The following VEZT variants were observed in gnomAD, a reference collection of about 807,000 sequenced individuals.
The protein encoded by VEZT is vezatin.
A neutral mutation model predicts 79.9 loss-of-function variants in VEZT; 39 were observed. The observed-to-expected ratio is 0.49, with a 90% CI of 0.38 to 0.64. The LOEUF (loss-of-function observed/expected upper bound fraction) is 0.64, where lower values mean the gene tolerates loss of function less well. Ranked by LOEUF, VEZT falls within the 30% of genes least tolerant of loss-of-function variation. The pLI, the probability that VEZT is intolerant of heterozygous loss-of-function variation, is 0.00. For missense variants in VEZT, 837 were observed against 893.1 expected, an observed-to-expected ratio of 0.94 and a Z score of 0.80; for synonymous variants, 325 against 327.6, an observed-to-expected ratio of 0.99 and a Z score of 0.09.
At chr12:95,280,720 T>G (rs1469931339) in intron 7 of VEZT, among the ~76,000 whole-genome samples, 4 of 152,302 alleles carry the variant, frequency 2.6e-5, no homozygotes, top group Non-Finnish European at 5.9e-5. Flanking sequence ...GGACTCTTCA[T>G]TTTTGCTCAC....
At chr12:95,230,045 C>T (rs2059022201) in intron 1 of VEZT, among the ~76,000 whole-genome samples, 1 of 144,736 alleles carries the variant, frequency 6.9e-6, no homozygotes. Context: ...ATGGAGGTTG[C>T]AGCGAGCTGA....
intron 11 of VEZT, among the ~76,000 whole-genome samples, chr12:95,297,202 G>C (rs1289681604): frequency 6.6e-6 from 1 of 152,174 alleles, no homozygotes; most frequent in African/African-American, 2.4e-5. Context: ...GGAATCAGGG[G>C]AAGCTTAATA....
intron 6 of VEZT, among the ~76,000 whole-genome samples, chr12:95,270,892 C>T (rs2066456822): frequency 6.6e-6 from 1 of 152,134 alleles, no homozygotes; most frequent in Non-Finnish European, 1.5e-5. Flanking sequence ...TTAGTAAAGA[C>T]ATATAGATAA....
At position 95,282,344 on chromosome 12, in the gene VEZT, C is replaced by A; in HGVS notation, c.1028C>A (p.Ser343Ter). 1.9e-6 allele frequency: 3 copies of A among 1,613,518 alleles called. No homozygotes were observed. Among genetic ancestry groups the A allele is most frequent in the African/African-American group, 1.3e-5 (1 of 74,968 alleles). ...VLFQLWVAQS[S>*]EFFRRLALLL... ...TTCCAACTCTGGGTGGCACAGAGTTCAGAGTTCTTCAGACGGTTAGCCCTA... is the reference window on the plus strand; with the variant it reads ...TTCCAACTCTGGGTGGCACAGAGTTAAGAGTTCTTCAGACGGTTAGCCCTA... Residue 343 changes from serine to a stop codon, truncating the protein, a stop_gained, in exon 8 of 12, where the codon TCA becomes TAA. Transcript: ENST00000436874. LOFTEE classifies it high-confidence loss of function.
intron 9 of VEZT, among the ~76,000 whole-genome samples, chr12:95,289,890 CTGTA>C (rs1169861274): frequency 6.6e-6 from 1 of 152,142 alleles, no homozygotes; most frequent in Non-Finnish European, 1.5e-5. Flanking sequence ...ATGTATGTAT[CTGTA>C]TGTGTGTGTA....
intron 1 of VEZT, among the ~76,000 whole-genome samples, chr12:95,220,300 CA>C (rs2057371792): frequency 6.6e-6 from 1 of 151,986 alleles, no homozygotes; most frequent in African/African-American, 2.4e-5. Context: ...ACAAAAAAGA[CA>C]AAAATTATTT....
In VEZT at chr12:95,263,063, T is replaced by G; in HGVS notation, c.416T>G (p.Leu139Arg). 2 of 1,609,140 alleles carry G rather than the reference T, an allele frequency of 1.2e-6. No homozygotes were observed. The highest frequency in any genetic ancestry group is 2.2e-5 in the South Asian group (2 of 90,690). ...GGACACCTTCCAACACTTTGCTCCC[T>G]GGCAACCCCTAATATTTGGTACTGT... The part of the protein sequence containing the change: ...ENGHLPTLCS[L>R]ATPNIWDLSM... Residue 139 changes from leucine (L) to arginine (R), a missense_variant, in exon 4 of 12, where the codon CTG (leucine) becomes CGG (arginine). Leu to Arg is a moderately radical substitution (Grantham distance 102). Transcript: ENST00000436874.
At chr12:95,248,055 G>C (rs928921536) in intron 1 of VEZT, among the ~76,000 whole-genome samples, 1 of 152,166 alleles carries the variant, frequency 6.6e-6, no homozygotes, top group African/African-American at 2.4e-5. Context: ...TGATCACCTT[G>C]GTAAGCCAGA....
chr12:95,292,354 T>C (rs1291727072), intron 9 of VEZT, among the ~76,000 whole-genome samples: 1 of 152,192 alleles, frequency 6.6e-6, no homozygotes, highest in African/African-American at 2.4e-5. Context: ...ATGGATTTAT[T>C]TGGTTTTTTT....
rs1707652519 is a variant in VEZT at position 95,251,982 on chromosome 12, G to A, written c.79G>A (p.Asp27Asn). 1 of 1,612,554 alleles carries A rather than the reference G, an allele frequency of 6.2e-7. No individual in the cohort carries two copies. Residue 27 changes from aspartate (D) to asparagine (N), a missense_variant, in exon 2 of 12, where the codon GAC becomes AAC. Transcript: ENST00000436874. The part of the protein sequence containing the change: ...YQYLQDLGHT[D>N]FEICSSLSPK... Reference sequence around the variant, plus strand: ...ATACTTACAGGATCTGGGACACACAGACTTTGAAATATGTTCTTCTTTGTC... The same window carrying A: ...ATACTTACAGGATCTGGGACACACAAACTTTGAAATATGTTCTTCTTTGTC...
At chr12:95,224,318 C>CT (rs62851660) in intron 1 of VEZT, 12,272 of 402,402 alleles carry the variant, frequency 0.03, no homozygotes, top group South Asian at 0.042. Flanking sequence ...AAAGCCACAA[C>CT]TTTTTTTTTT....
In VEZT at chr12:95,270,074, A is replaced by G; in HGVS notation, c.734A>G (p.Asn245Ser). The change falls in exon 6 of 12, where the codon AAT becomes AGT. Residue 245 changes from asparagine to serine, a missense_variant. Asn to Ser is a conservative substitution (Grantham distance 46, BLOSUM62 1). Transcript: ENST00000436874. ...AGGGTCAGTGCTGCTTGCCCATTTA[A>G]TAAAGCTGGACAGCATCCAAGTCAG... ...FTLVSAACPF[N>S]KAGQHPSQHL... The G allele has an allele frequency of 1.2e-6, 2 of 1,611,472 alleles. No homozygotes were observed. Among genetic ancestry groups the G allele is most frequent in the Non-Finnish European group, 1.7e-6 (2 of 1,178,830 alleles).
At chr12:95,277,463 TA>T (rs576849435) in intron 7 of VEZT, among the ~76,000 whole-genome samples, 19 of 148,394 alleles carry the variant, frequency 1.3e-4, no homozygotes, top group African/African-American at 2.0e-4. Context: ...CAACCCTGTT[TA>T]AAAAAAAAAA....
At chr12:95,272,471 G>T (rs1168546794) in intron 6 of VEZT, among the ~76,000 whole-genome samples, 2 of 152,208 alleles carry the variant, frequency 1.3e-5, no homozygotes, top group African/African-American at 4.8e-5. Context: ...AGCACAGTAA[G>T]TTGGAGGTTA....
chr12:95,243,450 A>T (rs2137435059), intron 1 of VEZT, among the ~76,000 whole-genome samples: 1 of 151,412 alleles, frequency 6.6e-6, no homozygotes, highest in East Asian at 1.9e-4. Context: ...AAACTGTCTC[A>T]TCTATTCCTC....
Position 95,266,393 on chromosome 12 carries a change from C to T in VEZT, c.471C>T (p.Leu157=), listed in dbSNP as rs554340734. 29 of 1,613,800 alleles carry T rather than the reference C, an allele frequency of 1.8e-5. No homozygotes were observed. The highest frequency in any genetic ancestry group is 7.7e-5 in the South Asian group (7 of 91,048). ...TGCTATTTGCCTTCATTAGCTTGCTCGTTATGCTTCCCACTTGGTGGATTG... is the reference window on the plus strand; with the variant it reads ...TGCTATTTGCCTTCATTAGCTTGCTTGTTATGCTTCCCACTTGGTGGATTG... ...LSMLFAFISL[L]VMLPTWWIVS... Residue 157 remains leucine, a synonymous_variant, in exon 5 of 12, where the codon CTC becomes CTT. Transcript: ENST00000436874.
At position 95,300,526 on chromosome 12, in the gene VEZT, G is replaced by A. The variant is rs61735397; in HGVS notation, c.2193G>A (p.Leu731=). The A allele has an allele frequency of 1.2e-6, 2 of 1,613,926 alleles. No individual in the cohort carries two copies. The highest frequency in any genetic ancestry group is 8.5e-7 in the Non-Finnish European group (1 of 1,179,882). ...AGCAGAGGCTGGCACGGCTACAGCT[G>A]TCACCAGATTTTACCTTCACTGCTG... The part of the protein sequence containing the change: ...SIKQRLARLQ[L]SPDFTFTAGL... Residue 731 remains leucine (L), a synonymous_variant, in exon 12 of 12, where the codon CTG becomes CTA. Transcript: ENST00000436874.
Position 95,263,053 on chromosome 12 carries a change from C to T in VEZT, c.406C>T (p.Leu136Phe). The T allele has an allele frequency of 6.2e-7, 1 of 1,610,606 alleles. No individual in the cohort carries two copies. Among genetic ancestry groups the T allele is most frequent in the Non-Finnish European group, 8.5e-7 (1 of 1,177,406 alleles). ...ACAGGAAAATGGACACCTTCCAACACTTTGCTCCCTGGCAACCCCTAATAT... is the reference window on the plus strand; with the variant it reads ...ACAGGAAAATGGACACCTTCCAACATTTTGCTCCCTGGCAACCCCTAATAT... The part of the protein sequence containing the change: ...QQQENGHLPT[L>F]CSLATPNIWD... The change falls in exon 4 of 12, where the codon CTT becomes TTT. Residue 136 changes from leucine to phenylalanine, a missense_variant. By Grantham distance (22) the Leu-to-Phe change is conservative. Coordinates refer to ENST00000436874, the MANE Select transcript of VEZT (RefSeq NM_017599.4).
chr12:95,296,095 C>T lies in VEZT; in HGVS notation c.1668C>T (p.Phe556=), dbSNP rs368383140. ...YVDDIDIDSD[F]RKDDFYYLSQ... is the part of the protein sequence containing the mutation. ...ATGATATAGATATTGATAGTGATTTCAGAAAGGATGATTTTTATTACTTGT... is the reference window on the plus strand; with the variant it reads ...ATGATATAGATATTGATAGTGATTTTAGAAAGGATGATTTTTATTACTTGT... The change falls in exon 11 of 12, where the codon TTC becomes TTT. Residue 556 remains phenylalanine (F), a synonymous_variant. Coordinates refer to ENST00000436874, the MANE Select transcript of VEZT (RefSeq NM_017599.4). 17 of 1,558,538 alleles carry T rather than the reference C, an allele frequency of 1.1e-5. No individual in the cohort carries two copies. The highest frequency in any genetic ancestry group is 1.5e-5 in the Non-Finnish European group (17 of 1,150,016).
Sources: allele counts gnomAD v4.1 joint callset (sites outside exome capture counted in the v4.1 genomes callset), GRCh38; gene constraint gnomAD v4.1.1; transcripts MANE v1.5; gene names NCBI Gene and HGNC (gene_info 2026-07-23, HGNC 2026-07-21).